Variants in ASGR2 observed in about 807,000 individuals in gnomAD.
ASGR2 encodes C-type lectin domain family 4 member H2.
ASGR2 carries 34 observed loss-of-function variants against 32.3 expected under a neutral mutation model. The observed-to-expected ratio is 1.05, with a 90% CI of 0.80 to 1.40. The LOEUF is 1.40. Ranked by LOEUF, ASGR2 falls within the 40% of genes most tolerant of loss-of-function variation. ASGR2 has a pLI of 0.00. For missense variants in ASGR2, 385 were observed against 386.4 expected (o/e 1.00, Z 0.03); for synonymous variants, 143 against 150.0 (o/e 0.95, Z 0.34).
At chr17:7,106,032 C>G (rs1913625842) in intron 7 of ASGR2, among the ~76,000 whole-genome samples, 1 of 152,110 alleles carries the variant, frequency 6.6e-6, no homozygotes. Context: ...CATGATCCGC[C>G]CACCTCGGCC....
At chr17:7,103,248 C>T (rs1384829106) in intron 7 of ASGR2, among the ~76,000 whole-genome samples, 4 of 152,224 alleles carry the variant, frequency 2.6e-5, no homozygotes, top group Non-Finnish European at 5.9e-5. Context: ...TCACCTCTTC[C>T]GATTGAGCAT....
Position 7,111,592 on chromosome 17 carries a change from C to T in ASGR2, c.124+2525G>A, listed in dbSNP as rs560063120. Among the ~76,000 whole-genome samples, 6 of 150,720 alleles carry T rather than the reference C, an allele frequency of 4.0e-5. No homozygotes were observed. The East Asian group carries it at 7.9e-4, about 20-fold the overall frequency. Reference sequence around the variant, plus strand: ...AATGGCATGAACCCGGGAGGCAGAGCTTGCAGTGAGCCAAGATCGCGCCAC... The same window carrying T: ...AATGGCATGAACCCGGGAGGCAGAGTTTGCAGTGAGCCAAGATCGCGCCAC... On this transcript the variant is annotated intron_variant, in intron 2 of 8. Coordinates refer to ENST00000691900, the MANE Select transcript of ASGR2 (RefSeq NM_001201352.2).
chr17:7,114,515 C>A lies in ASGR2; in HGVS notation c.-71+100G>T, dbSNP rs920765. 0.29 allele frequency: 366,722 copies of A among 1,246,018 alleles called. 54,553 individuals are homozygous for A. The highest frequency in any genetic ancestry group is 0.36 in the East Asian group (9,310 of 25,982). 77.2% of individuals were successfully genotyped at this position (1,246,018 alleles called of 1,614,324 possible). A position where few individuals can be genotyped will look rare whatever the true frequency, so the allele number is the denominator to read the frequency against. ...AGACCCCTCCCCACGCTCATGGACC[C>A]GACCACCCACAGCTTCCCATGGGGT... On this transcript the variant is annotated intron_variant, in intron 1 of 8. Coordinates refer to ENST00000691900, the MANE Select transcript of ASGR2 (RefSeq NM_001201352.2). The surrounding 1 kb of genome is among the most constrained non-coding windows in gnomAD (Gnocchi z 4.5).
In ASGR2 at chr17:7,107,407, A is replaced by G; in HGVS notation, c.410-90T>C. On this transcript the variant is annotated intron_variant, in intron 5 of 8. Coordinates refer to ENST00000691900, the MANE Select transcript of ASGR2 (RefSeq NM_001201352.2). This position sits in a 1 kb window ranked among gnomAD's most constrained non-coding sequence, Gnocchi z 5.0. Reference sequence around the variant, plus strand: ...TGGCTGGGGAAGCATATACACCCACAGACACGTACACCATGCATAGACCAC... The same window carrying G: ...TGGCTGGGGAAGCATATACACCCACGGACACGTACACCATGCATAGACCAC... The G allele has an allele frequency of 7.5e-7, 1 of 1,331,022 alleles. No homozygotes were observed. Among genetic ancestry groups the G allele is most frequent in the Non-Finnish European group, 1.0e-6 (1 of 953,242 alleles). The allele number at this position is 1,331,022 out of a possible 1,614,324, so 82.5% of individuals were successfully genotyped here.
intron 7 of ASGR2, among the ~76,000 whole-genome samples, chr17:7,102,653 C>T (rs1913017411): frequency 6.6e-6 from 1 of 152,158 alleles, no homozygotes; most frequent in Non-Finnish European, 1.5e-5. Flanking sequence ...GACCCTGGTC[C>T]CTGCTCTTAC....
rs558995069 is a variant in ASGR2 at position 7,111,523 on chromosome 17, G to A, written c.124+2594C>T. Among the ~76,000 whole-genome samples, 119 of 152,156 alleles carry A rather than the reference G, an allele frequency of 7.8e-4. No individual in the cohort carries two copies. The Middle Eastern group carries it at 0.014, about 17-fold the overall frequency. On this transcript the variant is annotated intron_variant, in intron 2 of 8. Transcript: ENST00000691900. ...TACAAAAAATTAGCCAGACGTGGTG[G>A]CAGGCGCCTGTAGTCCCAGCTACTC...
rs1914204718 is a variant in ASGR2 at position 7,108,698 on chromosome 17, C to T, written c.241+74G>A. On this transcript the variant is annotated intron_variant, in intron 3 of 8. Transcript: ENST00000691900. The surrounding 1 kb of genome is among the most constrained non-coding windows in gnomAD (Gnocchi z 4.9). ...TCCATCCCTTCCCCTCCCATCGCCCCGATCGCTGCCCGCCACTGCCCATGT... is the reference window on the plus strand; with the variant it reads ...TCCATCCCTTCCCCTCCCATCGCCCTGATCGCTGCCCGCCACTGCCCATGT... 45 of 1,611,294 alleles carry T rather than the reference C, an allele frequency of 2.8e-5. No homozygotes were observed. Among genetic ancestry groups the T allele is most frequent in the Non-Finnish European group, 3.4e-5 (40 of 1,178,248 alleles).
chr17:7,107,164 G>C lies in ASGR2; in HGVS notation c.497-13C>G, dbSNP rs763622910. 3 of 1,614,204 alleles carry C rather than the reference G, an allele frequency of 1.9e-6. No homozygotes were observed. Among genetic ancestry groups the C allele is most frequent in the Non-Finnish European group, 2.5e-6 (3 of 1,180,032 alleles). On this transcript the variant is annotated splice_polypyrimidine_tract_variant and intron_variant, in intron 6 of 8. Coordinates refer to ENST00000691900, the MANE Select transcript of ASGR2 (RefSeq NM_001201352.2). The surrounding 1 kb of genome is among the most constrained non-coding windows in gnomAD (Gnocchi z 5.0). Reference sequence around the variant, plus strand: ...GTCCTTTGGGAGCCTGAGGGGACAGGGGGCAGGGAGATGAGATCCAGCCGG... The same window carrying C: ...GTCCTTTGGGAGCCTGAGGGGACAGCGGGCAGGGAGATGAGATCCAGCCGG...
chr17:7,108,768 T>TCA lies in ASGR2; in HGVS notation c.241+2_241+3dup. ...CCATCCCTGCTGGCCCCCGTGACCCTCACTTTGGGACCCAGTCACACAGAT... is the reference window on the plus strand; with the variant it reads ...CCATCCCTGCTGGCCCCCGTGACCCTCACACTTTGGGACCCAGTCACACAGAT... On this transcript the variant is annotated splice_donor_region_variant and intron_variant, in intron 3 of 8. Transcript: ENST00000691900. The surrounding 1 kb of genome is among the most constrained non-coding windows in gnomAD (Gnocchi z 4.9). The TCA allele has an allele frequency of 6.2e-7, 1 of 1,613,882 alleles. No individual in the cohort carries two copies.
Position 7,108,059 on chromosome 17 carries a change from G to T in ASGR2, c.338-152C>A. On this transcript the variant is annotated intron_variant, in intron 4 of 8. Transcript: ENST00000691900. The surrounding 1 kb of genome is among the most constrained non-coding windows in gnomAD (Gnocchi z 4.9). ...CCAGGCTCCCTGCACTGCCACAGTG[G>T]CTCAGGCCACTCTCCTGCTTCAGTC... The T allele has an allele frequency of 1.3e-6, 1 of 779,504 alleles. No individual in the cohort carries two copies. Among genetic ancestry groups the T allele is most frequent in the Non-Finnish European group, 2.1e-6 (1 of 485,472 alleles). 48.3% of individuals were successfully genotyped at this position (779,504 alleles called of 1,614,324 possible). A position where few individuals can be genotyped will look rare whatever the true frequency, so the allele number is the denominator to read the frequency against.
chr17:7,115,132 G>C, upstream of ASGR2: 1 of 494,786 alleles, frequency 2.0e-6, no homozygotes, highest in Non-Finnish European at 2.6e-6. The surrounding 1 kb of genome is among the most constrained non-coding windows in gnomAD (Gnocchi z 4.2). Flanking sequence ...TCCGGCATCT[G>C]AACCACAGAC....
At position 7,113,263 on chromosome 17, in the gene ASGR2, C is replaced by A. The variant is rs1484259618; in HGVS notation, c.124+854G>T. Among the ~76,000 whole-genome samples, 2 of 151,524 alleles carry A rather than the reference C, an allele frequency of 1.3e-5. No individual in the cohort carries two copies. Among genetic ancestry groups the A allele is most frequent in the South Asian group, 2.1e-4 (1 of 4,818 alleles). Reference sequence around the variant, plus strand: ...ATCTCTCTGTGCTCACGTCCCCCACCCATCCCAACTCACCCCACCTCTACA... The same window carrying A: ...ATCTCTCTGTGCTCACGTCCCCCACACATCCCAACTCACCCCACCTCTACA... On this transcript the variant is annotated intron_variant, in intron 2 of 8. Coordinates refer to ENST00000691900, the MANE Select transcript of ASGR2 (RefSeq NM_001201352.2). The surrounding 1 kb of genome is among the most constrained non-coding windows in gnomAD (Gnocchi z 5.1).
chr17:7,105,259 A>T (rs1913495647), intron 7 of ASGR2, among the ~76,000 whole-genome samples: 1 of 151,400 alleles, frequency 6.6e-6, no homozygotes, highest in Non-Finnish European at 1.5e-5. Context: ...AAAATTAAGA[A>T]GCATGTAAAG....
At chr17:7,103,253 G>A (rs1913115354) in intron 7 of ASGR2, among the ~76,000 whole-genome samples, 1 of 152,176 alleles carries the variant, frequency 6.6e-6, no homozygotes, top group East Asian at 1.9e-4. Context: ...TCTTCCGATT[G>A]AGCATCAGAA....
At chr17:7,103,423 C>T (rs1432246512) in intron 7 of ASGR2, among the ~76,000 whole-genome samples, 1 of 152,212 alleles carries the variant, frequency 6.6e-6, no homozygotes, top group East Asian at 1.9e-4. Context: ...GTGCTGCTAC[C>T]TGCTGCCAGC....
At chr17:7,104,348 T>TAAAAAAAAAAAAAAAAAAAA in intron 7 of ASGR2, among the ~76,000 whole-genome samples, 1 of 79,808 alleles carries the variant, frequency 1.3e-5, no homozygotes, top group African/African-American at 5.5e-5. Flanking sequence ...AACTCTGTCT[T>TAAAAAAAAAAAAAAAAAAAA]AAAAAAAAAA....
rs948544049 is a variant in ASGR2 at position 7,108,024 on chromosome 17, T to C, written c.338-117A>G. ...TGCAGGCGTCCACCTCCTGGCTTCC[T>C]GGACCACACCCAGGCTCCCTGCACT... On this transcript the variant is annotated intron_variant, in intron 4 of 8. Transcript: ENST00000691900. The surrounding 1 kb of genome is among the most constrained non-coding windows in gnomAD (Gnocchi z 4.9). The C allele has an allele frequency of 2.5e-6, 3 of 1,194,188 alleles. No homozygotes were observed. The highest frequency in any genetic ancestry group is 2.1e-5 in the Admixed American group (1 of 48,288). The allele number at this position is 1,194,188 out of a possible 1,614,324, so 74.0% of individuals were successfully genotyped here.
At chr17:7,112,818 GCT>G (rs1914889053) in intron 2 of ASGR2, among the ~76,000 whole-genome samples, 2 of 151,816 alleles carry the variant, frequency 1.3e-5, no homozygotes, top group South Asian at 4.2e-4. Flanking sequence ...CCCTTCCTAA[GCT>G]CCAAGCCCCT....
At position 7,107,727 on chromosome 17, in the gene ASGR2, ACG is replaced by A. The variant is rs769604230; in HGVS notation, c.409+107_409+108del. 16 of 941,162 alleles carry A rather than the reference ACG, an allele frequency of 1.7e-5. No homozygotes were observed. Among genetic ancestry groups the A allele is most frequent in the African/African-American group, 7.9e-5 (5 of 63,210 alleles). The allele number at this position is 941,162 out of a possible 1,614,324, so 58.3% of individuals were successfully genotyped here. ...GATACACATGCTTGCAGGCACACAC[ACG>A]CACGCACGCACACGTGCACACTACA... On this transcript the variant is annotated intron_variant, in intron 5 of 8. Transcript: ENST00000691900. This position sits in a 1 kb window ranked among gnomAD's most constrained non-coding sequence, Gnocchi z 5.0.
Sources: gnomAD v4.1 joint callset for allele counts (sites outside exome capture counted in the v4.1 genomes callset) on GRCh38, gnomAD v4.1.1 for gene constraint, Gnocchi (gnomAD v3.1) non-coding constraint, MANE v1.5 for transcripts, NCBI Gene and HGNC (gene_info 2026-07-23, HGNC 2026-07-21) for gene names.